Variants in ANO10 observed in about 807,000 individuals in gnomAD.
ANO10 encodes anoctamin-10.
In ANO10, 77 loss-of-function variants were observed where a neutral mutation model predicts 74.7. That is an observed-to-expected ratio of 1.03 (90% CI 0.86 to 1.25). ANO10 has a LOEUF of 1.25. ANO10 is among the 50% of genes most tolerant of loss of function. The pLI, the probability that ANO10 is intolerant of heterozygous loss-of-function variation, is 0.00. For missense variants in ANO10, 721 were observed against 778.1 expected (o/e 0.93, Z 0.87); for synonymous variants, 279 against 284.9 (o/e 0.98, Z 0.21).
intron 12 of ANO10, among the ~76,000 whole-genome samples, chr3:43,367,432 G>A (rs1450943842): frequency 6.6e-6 from 1 of 152,186 alleles, no homozygotes; most frequent in African/African-American, 2.4e-5. Flanking sequence ...TGCAAGTATT[G>A]TTGTCCATGA....
intron 11 of ANO10, among the ~76,000 whole-genome samples, chr3:43,534,469 C>T (rs753725768): frequency 6.7e-6 from 1 of 148,646 alleles, no homozygotes; most frequent in Non-Finnish European, 1.5e-5. Flanking sequence ...TGTGAACGTG[C>T]GCGCATGAGA....
At chr3:43,636,010 A>G (rs2083605479) in intron 1 of ANO10, among the ~76,000 whole-genome samples, 1 of 151,966 alleles carries the variant, frequency 6.6e-6, no homozygotes, top group South Asian at 2.1e-4. Context: ...CTTAACAAAC[A>G]AGTAAAAAAA....
At chr3:43,486,004 G>A (rs2076471982) in intron 11 of ANO10, 1 of 260,238 alleles carries the variant, frequency 3.8e-6, no homozygotes, top group Non-Finnish European at 7.5e-6. Context: ...ATTTTGAAAT[G>A]GCTGCCACAG....
At chr3:43,629,454 G>A (rs2083525163) in intron 1 of ANO10, among the ~76,000 whole-genome samples, 1 of 152,144 alleles carries the variant, frequency 6.6e-6, no homozygotes, top group Admixed American at 6.5e-5. Flanking sequence ...TAAGAGAAAT[G>A]AGTCACTGGG....
intron 1 of ANO10, among the ~76,000 whole-genome samples, chr3:43,674,841 C>T (rs2084102163): frequency 1.3e-5 from 2 of 152,158 alleles, no homozygotes; most frequent in South Asian, 4.1e-4. Context: ...TCCATCCATC[C>T]ATCATTAGAT....
At chr3:43,434,523 T>A (rs929789867) in intron 11 of ANO10, among the ~76,000 whole-genome samples, 2 of 152,204 alleles carry the variant, frequency 1.3e-5, no homozygotes, top group Non-Finnish European at 2.9e-5. Flanking sequence ...TTCCATGTAT[T>A]TCAGAGTCTG....
intron 12 of ANO10, among the ~76,000 whole-genome samples, chr3:43,400,333 T>C (rs1451760873): frequency 1.3e-5 from 2 of 151,662 alleles, no homozygotes; most frequent in East Asian, 1.9e-4. Context: ...AGAGATAGAA[T>C]GCAGAACTAG....
At chr3:43,507,000 A>G (rs941871031) in intron 11 of ANO10, among the ~76,000 whole-genome samples, 1 of 152,322 alleles carries the variant, frequency 6.6e-6, no homozygotes, top group South Asian at 2.1e-4. Context: ...ACTGCGAAGA[A>G]AAGTGTCTCG....
At chr3:43,691,261 G>A (rs2084373926) in intron 1 of ANO10, 1 of 395,320 alleles carries the variant, frequency 2.5e-6, no homozygotes. Flanking sequence ...CGAGGTGTCT[G>A]AGCCGGACTC....
At position 43,576,981 on chromosome 3, in the gene ANO10, G is replaced by C. The variant is rs1332264788; in HGVS notation, c.873C>G (p.Val291=). ...FEEPRPGFHG[V]LGINSITGKE... is the part of the protein sequence containing the mutation. ...TCCCAGTGATGGAATTGATACCCAA[G>C]ACACCATGAAATCCTGGCCGGGGCT... Residue 291 remains valine (V), a synonymous_variant, in exon 6 of 13, where the codon GTC becomes GTG. Coordinates refer to ENST00000292246, the MANE Select transcript of ANO10 (RefSeq NM_018075.5). 35 of 1,613,766 alleles carry C rather than the reference G, an allele frequency of 2.2e-5. No individual in the cohort carries two copies. Among genetic ancestry groups the C allele is most frequent in the Non-Finnish European group, 2.9e-5 (34 of 1,179,690 alleles).
intron 4 of ANO10, among the ~76,000 whole-genome samples, chr3:43,584,831 T>C (rs977626424): frequency 4.6e-5 from 7 of 152,018 alleles, no homozygotes; most frequent in African/African-American, 1.7e-4. Flanking sequence ...GTGTGTAAAA[T>C]GAAAATCAAA....
At chr3:43,487,291 T>G (rs2076532691) in intron 11 of ANO10, among the ~76,000 whole-genome samples, 1 of 152,212 alleles carries the variant, frequency 6.6e-6, no homozygotes, top group African/African-American at 2.4e-5. Context: ...CCTGCCTGAC[T>G]TTGGTATCAG....
At chr3:43,433,409 T>C (rs1254475711) in intron 11 of ANO10, among the ~76,000 whole-genome samples, 1 of 152,210 alleles carries the variant, frequency 6.6e-6, no homozygotes, top group Non-Finnish European at 1.5e-5. Context: ...CTCTGCCCAA[T>C]GTCCCTGTGC....
At chr3:43,396,505 AT>A (rs1409670503) in intron 12 of ANO10, among the ~76,000 whole-genome samples, 1 of 150,914 alleles carries the variant, frequency 6.6e-6, no homozygotes, top group Non-Finnish European at 1.5e-5. Context: ...CACCCGGCTA[AT>A]TTTTTGTATT....
intron 12 of ANO10, among the ~76,000 whole-genome samples, chr3:43,414,967 C>CTTTTTTTT (rs60554785): frequency 2.0e-4 from 13 of 66,602 alleles, no homozygotes; most frequent in Admixed American, 4.7e-4. Flanking sequence ...TGTCATTGTG[C>CTTTTTTTT]TTTTTTTTTT....
chr3:43,445,305 T>C (rs1043599440), intron 11 of ANO10, among the ~76,000 whole-genome samples: 2 of 152,098 alleles, frequency 1.3e-5, no homozygotes, highest in Non-Finnish European at 1.5e-5. Context: ...GCATGAACTT[T>C]AGTTAATAAT....
At chr3:43,603,656 T>C (rs1278954167) in intron 2 of ANO10, among the ~76,000 whole-genome samples, 2 of 152,222 alleles carry the variant, frequency 1.3e-5, no homozygotes, top group Non-Finnish European at 2.9e-5. Context: ...TATTACATGT[T>C]CACGTTTAAG....
At chr3:43,615,567 G>A (rs971558684) in intron 1 of ANO10, among the ~76,000 whole-genome samples, 2 of 151,872 alleles carry the variant, frequency 1.3e-5, no homozygotes, top group Non-Finnish European at 2.9e-5. Context: ...AAATAGTATA[G>A]AAGCCTCACA....
intron 11 of ANO10, among the ~76,000 whole-genome samples, chr3:43,469,310 T>C (rs1314489842): frequency 1.3e-5 from 2 of 151,964 alleles, no homozygotes; most frequent in East Asian, 3.9e-4. Context: ...CCTCCCAAAC[T>C]GCTGGGATTA....
Sources: allele counts gnomAD v4.1 joint callset (sites outside exome capture counted in the v4.1 genomes callset), GRCh38; gene constraint gnomAD v4.1.1; transcripts MANE v1.5; gene names NCBI Gene and HGNC (gene_info 2026-07-23, HGNC 2026-07-21).